Variants in CCSER1 observed in about 807,000 individuals in gnomAD.
The protein encoded by CCSER1 is serine-rich coiled-coil domain-containing protein 1.
CCSER1 carries 41 observed loss-of-function variants against 82.0 expected under a neutral mutation model. The ratio of observed to expected loss-of-function variants is 0.50; its 90% CI spans 0.39 to 0.65. The LOEUF is 0.65. CCSER1 is among the 30% of genes least tolerant of loss of function. CCSER1 has a pLI of 0.00. For missense variants in CCSER1, 1,119 were observed against 1,064.2 expected (o/e 1.05, Z -0.72); for synonymous variants, 414 against 383.9 (o/e 1.08, Z -0.92).
intron 10 of CCSER1, among the ~76,000 whole-genome samples, chr4:91,468,741 A>G (rs183076892): frequency 1.1e-4 from 17 of 152,036 alleles, no homozygotes; most frequent in Non-Finnish European, 2.2e-4. Flanking sequence ...ATTTGATCCT[A>G]TAACTGAAAA....
chr4:91,117,405 C>T lies in CCSER1; in HGVS notation c.2217+31411C>T, dbSNP rs986269762. Among the ~76,000 whole-genome samples the T allele has an allele frequency of 3.9e-5, 6 of 152,166 alleles. No individual in the cohort carries two copies. The South Asian group carries it at 8.3e-4, about 21-fold the overall frequency. ...CTATCTAACTTTATGCCACACATTC[C>T]TTGTCTGGGACCTATGTCAGGGTTA... On this transcript the variant is annotated intron_variant, in intron 10 of 10. Coordinates refer to ENST00000509176, the MANE Select transcript of CCSER1 (RefSeq NM_001145065.2).
intron 10 of CCSER1, among the ~76,000 whole-genome samples, chr4:91,354,919 G>A (rs1748722552): frequency 6.6e-6 from 1 of 152,166 alleles, no homozygotes; most frequent in African/African-American, 2.4e-5. Context: ...ACTGGTTCTG[G>A]AGAGCGTATT....
At chr4:90,832,439 A>T (rs1024016717) in intron 8 of CCSER1, among the ~76,000 whole-genome samples, 2 of 152,166 alleles carry the variant, frequency 1.3e-5, no homozygotes, top group Non-Finnish European at 2.9e-5. Context: ...TCTACTTCTT[A>T]AAAAACTAAA....
At chr4:90,144,488 G>C (rs1725440303) in intron 1 of CCSER1, among the ~76,000 whole-genome samples, 1 of 152,116 alleles carries the variant, frequency 6.6e-6, no homozygotes, top group South Asian at 2.1e-4. Flanking sequence ...ATAAATTATT[G>C]AGGTGTTTAT....
chr4:90,217,433 T>A (rs1578548495), intron 1 of CCSER1, among the ~76,000 whole-genome samples: 2 of 152,196 alleles, frequency 1.3e-5, no homozygotes, highest in South Asian at 4.1e-4. Context: ...CTCCTGACCT[T>A]GTATTCCGCC....
chr4:91,601,251 T>G lies in CCSER1; in HGVS notation c.*2194T>G, dbSNP rs1764805583. 1 of 152,116 alleles carries G rather than the reference T, an allele frequency of 6.6e-6. No homozygotes were observed. Among genetic ancestry groups the G allele is most frequent in the Non-Finnish European group, 1.5e-5 (1 of 67,978 alleles). 9.4% of individuals were successfully genotyped at this position (152,116 alleles called of 1,614,324 possible). A position where few individuals can be genotyped will look rare whatever the true frequency, so the allele number is the denominator to read the frequency against. ...GTCATTTAATAGACATTTTAAGAGA[T>G]GTTTTAAACGCTAGTATTTTCTTGA... On this transcript the variant is annotated 3_prime_UTR_variant, in exon 11 of 11. Transcript: ENST00000509176.
At chr4:91,382,622 A>G (rs149843284) in intron 10 of CCSER1, among the ~76,000 whole-genome samples, 2,993 of 152,232 alleles carry the variant, frequency 0.02, 77 homozygotes, top group African/African-American at 0.067. Context: ...TCCCTTGGCT[A>G]GGAAAGGGAA....
intron 8 of CCSER1, among the ~76,000 whole-genome samples, chr4:90,900,671 CTT>C (rs764690989): frequency 2.6e-5 from 4 of 151,732 alleles, no homozygotes; most frequent in Non-Finnish European, 5.9e-5. Flanking sequence ...CTTGATATGA[CTT>C]TGATTTCTTT....
chr4:91,070,959 G>A (rs935424481), intron 9 of CCSER1, among the ~76,000 whole-genome samples: 4 of 152,056 alleles, frequency 2.6e-5, no homozygotes, highest in African/African-American at 9.7e-5. Flanking sequence ...TAAAATTATA[G>A]AAGAAATACT....
At chr4:90,703,786 G>A (rs1164727460) in intron 6 of CCSER1, among the ~76,000 whole-genome samples, 1 of 152,096 alleles carries the variant, frequency 6.6e-6, no homozygotes, top group Non-Finnish European at 1.5e-5. Flanking sequence ...TCAGAGACTA[G>A]GATTGCAACC....
chr4:91,376,027 G>T (rs1287850785), intron 10 of CCSER1, among the ~76,000 whole-genome samples: 2 of 151,934 alleles, frequency 1.3e-5, no homozygotes. Context: ...AGGAGAGAAA[G>T]AACTTTCTAG....
chr4:90,330,709 G>A (rs1481877928), intron 3 of CCSER1, among the ~76,000 whole-genome samples: 1 of 152,180 alleles, frequency 6.6e-6, no homozygotes, highest in Admixed American at 6.5e-5. Context: ...CATAACAAAA[G>A]AAGTTGGGAT....
In CCSER1 at chr4:90,246,605, A is replaced by G. The variant is rs566784793; in HGVS notation, c.-41-61639A>G. 3.3e-5 allele frequency among the ~76,000 whole-genome samples: 5 copies of G among 152,224 alleles called. No individual in the cohort carries two copies. In the East Asian group the frequency reaches 7.7e-4, roughly 24 times the overall value. ...TATTGAGTCTCTGCTGGTGCTTGGT[A>G]TTCTATTTCACTGCTGGGTACAGCA... On this transcript the variant is annotated intron_variant, in intron 1 of 10. Coordinates refer to ENST00000509176, the MANE Select transcript of CCSER1 (RefSeq NM_001145065.2).
rs375568577 is a variant in CCSER1, at chr4:90,453,406, C to T, written c.1604-14828C>T. 9.2e-5 allele frequency among the ~76,000 whole-genome samples: 14 copies of T among 152,266 alleles called. No homozygotes were observed. In the East Asian group the frequency reaches 2.5e-3, roughly 27 times the overall value. ...TATCAGGGTATTACAAGGGTTGTTA[C>T]AGGGTTTGAGAAGGCCCTGAATCTT... On this transcript the variant is annotated intron_variant, in intron 4 of 10. Transcript: ENST00000509176.
At chr4:90,177,577 T>C (rs1395709390) in intron 1 of CCSER1, among the ~76,000 whole-genome samples, 1 of 152,036 alleles carries the variant, frequency 6.6e-6, no homozygotes, top group East Asian at 1.9e-4. Flanking sequence ...CATTTTATAA[T>C]TTTTCTTATG....
At chr4:91,402,896 A>G (rs1752435531) in intron 10 of CCSER1, among the ~76,000 whole-genome samples, 1 of 152,164 alleles carries the variant, frequency 6.6e-6, no homozygotes. Flanking sequence ...TTGGTTCCAT[A>G]TGAACTTTAA....
At chr4:90,413,981 A>AATATATATATATATATATATAT (rs70963066) in intron 4 of CCSER1, among the ~76,000 whole-genome samples, 30 of 52,434 alleles carry the variant, frequency 5.7e-4, no homozygotes, top group African/African-American at 2.0e-3. Context: ...AAAAAAAAAA[A>AATATATATATATATATATATAT]ATATATATAT....
intron 10 of CCSER1, among the ~76,000 whole-genome samples, chr4:91,221,302 A>G (rs1031166881): frequency 3.3e-5 from 5 of 152,166 alleles, no homozygotes; most frequent in Admixed American, 1.3e-4. Flanking sequence ...AGTAAATGCT[A>G]TTTTACTATA....
intron 6 of CCSER1, among the ~76,000 whole-genome samples, chr4:90,653,386 A>G (rs540052579): frequency 6.6e-6 from 1 of 152,250 alleles, no homozygotes; most frequent in African/African-American, 2.4e-5. Flanking sequence ...TTTCCTTCAT[A>G]TATCTGTGCC....
Sources: allele counts gnomAD v4.1 joint callset (sites outside exome capture counted in the v4.1 genomes callset), GRCh38; gene constraint gnomAD v4.1.1; transcripts MANE v1.5; gene names NCBI Gene and HGNC (gene_info 2026-07-23, HGNC 2026-07-21).